Variants in NSD3 observed in about 807,000 individuals in gnomAD.
NSD3 encodes histone-lysine N-methyltransferase NSD3.
Under a neutral mutation model 160.8 loss-of-function variants are expected in NSD3, and 24 were observed. The observed-to-expected ratio is 0.15, with a 90% confidence interval of 0.11 to 0.21. NSD3 has a LOEUF of 0.21. Among genes scored for constraint, NSD3 ranks in the 10% least tolerant of loss-of-function variants. The pLI is 1.00. For synonymous variants in NSD3, 520 were observed against 600.0 expected (o/e 0.87, Z 1.95); for missense variants, 1,157 against 1,735.9 (o/e 0.67, Z 5.93).
chr8:38,319,039 G>A lies in NSD3; in HGVS notation c.1810-99C>T. ...CTTTCATCAATCTAAGCAATGATGA[G>A]TGATTAATGTATCTGAAATCTGAAC... On this transcript the variant is annotated intron_variant, in intron 8 of 23. Transcript: ENST00000317025. The surrounding 1 kb of genome is among the most constrained non-coding windows in gnomAD (Gnocchi z 4.1). The A allele has an allele frequency of 9.8e-7, 1 of 1,023,562 alleles. No individual in the cohort carries two copies. The highest frequency in any genetic ancestry group is 1.5e-6 in the Non-Finnish European group (1 of 683,584). The allele number at this position is 1,023,562 out of a possible 1,614,324, so 63.4% of individuals were successfully genotyped here.
intron 1 of NSD3, among the ~76,000 whole-genome samples, chr8:38,364,180 G>A (rs944341137): frequency 6.6e-6 from 1 of 152,100 alleles, no homozygotes; most frequent in Non-Finnish European, 1.5e-5. Context: ...AGGGGGCTGA[G>A]GTGGGACGAT....
Position 38,275,689 on chromosome 8 carries a change from T to G in NSD3, c.4266A>C (p.Ile1422=). 2 of 1,614,254 alleles carry G rather than the reference T, an allele frequency of 1.2e-6. No homozygotes were observed. Among genetic ancestry groups the G allele is most frequent in the African/African-American group, 1.3e-5 (1 of 75,064 alleles). Residue 1422 remains isoleucine, a synonymous_variant, in exon 24 of 24, where the codon ATA becomes ATC. Transcript: ENST00000317025. The part of the protein sequence containing the change: ...APVSPEYWSK[I]KCKWESQDHG... ...GATCTTGTGATTCCCATTTACATTT[T>G]ATCTTGCTCCAGTATTCTGGTGACA...
chr8:38,353,265 T>C (rs1433150336), intron 1 of NSD3, among the ~76,000 whole-genome samples: 1 of 152,172 alleles, frequency 6.6e-6, no homozygotes, highest in Non-Finnish European at 1.5e-5. Flanking sequence ...AACTGAAACA[T>C]TACCTTAATT....
chr8:38,344,630 C>T (rs540363348), intron 2 of NSD3, among the ~76,000 whole-genome samples: 1 of 152,136 alleles, frequency 6.6e-6, no homozygotes, highest in Non-Finnish European at 1.5e-5. Flanking sequence ...ACCTATGAAC[C>T]TATGAGTGAG....
chr8:38,276,195 T>G, intron 23 of NSD3, 101 bp downstream of exon 23: 1 of 1,333,660 alleles, frequency 7.5e-7, no homozygotes, highest in Non-Finnish European at 1.0e-6. Context: ...TATTGTTTGT[T>G]CTATTCAACA....
In NSD3 at chr8:38,275,592, GATCT is replaced by G. The variant is rs1808579024; in HGVS notation, c.*45_*48del. ...AGCAGTCTCTTCTTTTTAAATGCATGATCTATTTGCTTTTTTCACTTAAATAGAA... is the reference window on the plus strand; with the variant it reads ...AGCAGTCTCTTCTTTTTAAATGCATGATTTGCTTTTTTCACTTAAATAGAA... On this transcript the variant is annotated 3_prime_UTR_variant, in exon 24 of 24. Transcript: ENST00000317025. The G allele has an allele frequency of 1.3e-6, 2 of 1,528,482 alleles. No individual in the cohort carries two copies. The highest frequency in any genetic ancestry group is 2.8e-5 in the African/African-American group (2 of 72,700). 94.7% of individuals were successfully genotyped at this position (1,528,482 alleles called of 1,614,324 possible).
chr8:38,364,055 T>C (rs1175904355), intron 1 of NSD3, among the ~76,000 whole-genome samples: 2 of 94,256 alleles, frequency 2.1e-5, no homozygotes, highest in Non-Finnish European at 4.8e-5. Flanking sequence ...GTGGATCACT[T>C]TGAGGTCAGG....
chr8:38,284,310 T>C (rs545095353), intron 19 of NSD3, among the ~76,000 whole-genome samples: 72 of 152,064 alleles, frequency 4.7e-4, no homozygotes, highest in African/African-American at 1.7e-3. Context: ...TGCACTGTGA[T>C]ATGATATCAA....
chr8:38,377,532 G>T, intron 1 of NSD3, among the ~76,000 whole-genome samples: 1 of 151,816 alleles, frequency 6.6e-6, no homozygotes, highest in South Asian at 2.1e-4. Context: ...ATTTTTAGTA[G>T]AGATGGGTGT....
chr8:38,329,529 T>C lies in NSD3; in HGVS notation c.1430A>G (p.Lys477Arg). 6.2e-7 allele frequency: 1 copy of C among 1,614,254 alleles called. No homozygotes were observed. Among genetic ancestry groups the C allele is most frequent in the Non-Finnish European group, 8.5e-7 (1 of 1,180,048 alleles). ...KIAWKTAAARKSLPASITMHK... is the reference protein window; with the variant it reads ...KIAWKTAAARRSLPASITMHK... ...CATCGTAATGGAAGCTGGTAAGGAT[T>C]TCCTTGCTGCCGCAGTTTTCCAGGC... Residue 477 changes from lysine (K) to arginine (R), a missense_variant, in exon 6 of 24, where the codon AAA (lysine) becomes AGA (arginine). Coordinates refer to ENST00000317025, the MANE Select transcript of NSD3 (RefSeq NM_023034.2). This position sits in a 1 kb window ranked among gnomAD's most constrained non-coding sequence, Gnocchi z 4.8.
intron 5 of NSD3, among the ~76,000 whole-genome samples, chr8:38,330,552 G>A (rs538440363): frequency 2.0e-5 from 3 of 152,330 alleles, no homozygotes; most frequent in African/African-American, 4.8e-5. Flanking sequence ...AGATGTGTGA[G>A]ATGGCCAGAG....
intron 1 of NSD3, among the ~76,000 whole-genome samples, chr8:38,368,999 T>A (rs1811172591): frequency 6.6e-6 from 1 of 152,174 alleles, no homozygotes; most frequent in African/African-American, 2.4e-5. Flanking sequence ...TTCTTTTAGC[T>A]TGTATCCTCC....
chr8:38,317,291 T>A lies in NSD3; in HGVS notation c.1856-1249A>T. 1 of 1,059,620 alleles carries A rather than the reference T, an allele frequency of 9.4e-7. No individual in the cohort carries two copies. The highest frequency in any genetic ancestry group is 1.1e-6 in the Non-Finnish European group (1 of 875,450). The allele number at this position is 1,059,620 out of a possible 1,614,324, so 65.6% of individuals were successfully genotyped here. A position where few individuals can be genotyped will look rare whatever the true frequency, so the allele number is the denominator to read the frequency against. ...ATCTATAAATGAGGGTGCCTGCCCATGTTAATGCTGATTAAAAAACACAAG... is the reference window on the plus strand; with the variant it reads ...ATCTATAAATGAGGGTGCCTGCCCAAGTTAATGCTGATTAAAAAACACAAG... On this transcript the variant is annotated intron_variant, in intron 9 of 23. Transcript: ENST00000317025. The surrounding 1 kb of genome is among the most constrained non-coding windows in gnomAD (Gnocchi z 5.3).
At chr8:38,336,815 T>C (rs1456054506) in intron 4 of NSD3, among the ~76,000 whole-genome samples, 2 of 152,156 alleles carry the variant, frequency 1.3e-5, no homozygotes, top group African/African-American at 4.8e-5. Context: ...CTCTGCAATT[T>C]AAAATGACTA....
chr8:38,343,939 G>A (rs1361855931), intron 2 of NSD3, among the ~76,000 whole-genome samples: 3 of 152,134 alleles, frequency 2.0e-5, no homozygotes, highest in African/African-American at 7.2e-5. Context: ...TAGGAGACCA[G>A]TGACTGTTTG....
intron 16 of NSD3, among the ~76,000 whole-genome samples, chr8:38,295,143 CAAA>C (rs746596031): frequency 5.7e-5 from 2 of 35,314 alleles, no homozygotes; most frequent in Admixed American, 3.0e-4. Flanking sequence ...CACTCCGTCT[CAAA>C]AAAAAAAAAA....
chr8:38,304,556 A>AAATAAAT, intron 14 of NSD3, 31 bp downstream of exon 14: 1 of 1,589,322 alleles, frequency 6.3e-7, no homozygotes, highest in South Asian at 1.1e-5. Flanking sequence ...ATGACCTCAA[A>AAATAAAT]AATAAATGAA....
chr8:38,352,586 C>A (rs183684310), intron 1 of NSD3, among the ~76,000 whole-genome samples: 1 of 152,176 alleles, frequency 6.6e-6, no homozygotes, highest in Admixed American at 6.5e-5. Context: ...ACTCTGAAGT[C>A]CATGTTGTTT....
At chr8:38,276,736 G>A in intron 22 of NSD3, 1 of 510,502 alleles carries the variant, frequency 2.0e-6, no homozygotes, top group East Asian at 3.6e-5. Context: ...CCAGGCTGAA[G>A]TGCAGTGGTG....
Sources: gnomAD v4.1 joint callset for allele counts (sites outside exome capture counted in the v4.1 genomes callset) on GRCh38, gnomAD v4.1.1 for gene constraint, Gnocchi (gnomAD v3.1) non-coding constraint, MANE v1.5 for transcripts, NCBI Gene and HGNC (gene_info 2026-07-23, HGNC 2026-07-21) for gene names.